PLXNA2: variants seen among roughly 807,000 people sequenced by gnomAD.
PLXNA2 encodes plexin A2.
Under a neutral mutation model 193.5 loss-of-function variants are expected in PLXNA2, and 91 were observed. The ratio of observed to expected loss-of-function variants is 0.47; its 90% CI spans 0.40 to 0.56. The LOEUF is 0.56. Ranked by LOEUF, PLXNA2 falls within the 20% of genes least tolerant of loss-of-function variation. The pLI is 0.00. For synonymous variants in PLXNA2, 997 were observed against 1,027.3 expected, an observed-to-expected ratio of 0.97 and a Z score of 0.56; for missense variants, 1,995 against 2,503.2, an observed-to-expected ratio of 0.80 and a Z score of 4.33.
At chr1:208,052,268 T>C (rs1665288361) in intron 15 of PLXNA2, 59 bp downstream of exon 15, 4 of 1,568,324 alleles carry the variant, frequency 2.6e-6, no homozygotes, top group Middle Eastern at 2.3e-4. Context: ...CACAGTAACA[T>C]GTGAACAGCA....
intron 3 of PLXNA2, among the ~76,000 whole-genome samples, chr1:208,200,577 C>CTTTTTTTT (rs36026400): frequency 4.4e-5 from 5 of 113,998 alleles, no homozygotes; most frequent in Non-Finnish European, 5.0e-5. Flanking sequence ...CCCAATCCTT[C>CTTTTTTTT]TTTTTTTTTT....
chr1:208,040,726 T>C (rs1296153699), intron 22 of PLXNA2, among the ~76,000 whole-genome samples: 1 of 152,268 alleles, frequency 6.6e-6, no homozygotes, highest in Non-Finnish European at 1.5e-5. Flanking sequence ...TGGCACCTGC[T>C]AAGCACTATC....
chr1:208,079,362 G>A lies in PLXNA2; in HGVS notation c.2484C>T (p.Gly828=), dbSNP rs777731225. 8 of 1,612,354 alleles carry A rather than the reference G, an allele frequency of 5.0e-6. No homozygotes were observed. Among genetic ancestry groups the A allele is most frequent in the South Asian group, 2.2e-5 (2 of 90,898 alleles). The change falls in exon 12 of 32, where the codon GGC becomes GGT. Residue 828 remains glycine, a synonymous_variant. Coordinates refer to ENST00000367033, the MANE Select transcript of PLXNA2 (RefSeq NM_025179.4). ...GCTGGTGGAGGGTGCACCTGCGCTC[G>A]CCGCTGCACCAGCCACACTCAAACT... ...DRKFECGWCS[G]ERRCTLHQHC... is the part of the protein sequence containing the mutation.
rs1283015494 is a variant in PLXNA2, at chr1:208,024,586, C to A, written c.*2657G>T. The A allele has an allele frequency of 6.6e-6, 1 of 152,438 alleles. No individual in the cohort carries two copies. Among genetic ancestry groups the A allele is most frequent in the Non-Finnish European group, 1.5e-5 (1 of 68,228 alleles). 9.4% of individuals were successfully genotyped at this position (152,438 alleles called of 1,614,324 possible). ...GTGGCCAAACCACTCACAGCCAGCT[C>A]CGGCTCTTCACTCTCCACCCTCCAA... On this transcript the variant is annotated 3_prime_UTR_variant, in exon 32 of 32. Transcript: ENST00000367033.
intron 4 of PLXNA2, among the ~76,000 whole-genome samples, chr1:208,114,522 C>T (rs1041847253): frequency 2.6e-5 from 4 of 152,264 alleles, no homozygotes; most frequent in African/African-American, 7.2e-5. Context: ...CCAGACTCTA[C>T]CTCTCTGCCT....
chr1:208,088,947 G>A lies in PLXNA2; in HGVS notation c.2097+3839C>T, dbSNP rs181217036. 1.5e-3 allele frequency among the ~76,000 whole-genome samples: 225 copies of A among 152,268 alleles called. 3 individuals are homozygous for A. The highest frequency in any genetic ancestry group is 5.2e-3 in the African/African-American group (215 of 41,540). ...TTTCTGCATTTATTTGATGATCATA[G>A]GAAAGCTGTTTAACTTATTTAAGCC... On this transcript the variant is annotated intron_variant, in intron 9 of 31. Transcript: ENST00000367033.
At chr1:208,172,494 C>T (rs74153041) in intron 3 of PLXNA2, among the ~76,000 whole-genome samples, 3,692 of 152,228 alleles carry the variant, frequency 0.024, 155 homozygotes, top group African/African-American at 0.083. Context: ...TGCCCCCATC[C>T]GCAGATGACA....
At chr1:208,087,612 T>C (rs978907807) in intron 9 of PLXNA2, among the ~76,000 whole-genome samples, 1 of 152,216 alleles carries the variant, frequency 6.6e-6, no homozygotes, top group Admixed American at 6.5e-5. Flanking sequence ...TTTTTTCCCT[T>C]CTATTCTCTA....
At chr1:208,109,855 G>T (rs934209276) in intron 4 of PLXNA2, among the ~76,000 whole-genome samples, 2 of 152,230 alleles carry the variant, frequency 1.3e-5, no homozygotes, top group Admixed American at 6.5e-5. Context: ...CAACCTGAAG[G>T]CAGGTGAGGC....
intron 26 of PLXNA2, among the ~76,000 whole-genome samples, chr1:208,036,590 G>A (rs1005664326): frequency 4.6e-5 from 7 of 152,214 alleles, no homozygotes; most frequent in Non-Finnish European, 7.3e-5. Flanking sequence ...CAGTGAGCAC[G>A]CAGTAAGTGT....
At chr1:208,226,191 T>C (rs1167833765) in intron 1 of PLXNA2, among the ~76,000 whole-genome samples, 2 of 152,102 alleles carry the variant, frequency 1.3e-5, no homozygotes, top group Non-Finnish European at 2.9e-5. Flanking sequence ...TCCTGCAGAG[T>C]GGACCCTACC....
At chr1:208,212,623 T>C (rs745994606) in intron 2 of PLXNA2, among the ~76,000 whole-genome samples, 4 of 152,194 alleles carry the variant, frequency 2.6e-5, no homozygotes, top group African/African-American at 4.8e-5. Flanking sequence ...ATTTATACCA[T>C]GGCAATTGGC....
intron 29 of PLXNA2, chr1:208,030,625 C>T (rs1436178035): frequency 1.0e-6 from 1 of 985,292 alleles, no homozygotes; most frequent in Non-Finnish European, 1.2e-6. Context: ...CTGGGGTTGG[C>T]TTTTTCCAAA....
At chr1:208,193,191 G>T (rs1020316522) in intron 3 of PLXNA2, among the ~76,000 whole-genome samples, 1 of 152,196 alleles carries the variant, frequency 6.6e-6, no homozygotes, top group African/African-American at 2.4e-5. Flanking sequence ...TCCTGGCATT[G>T]CTTCATTTGC....
intron 3 of PLXNA2, among the ~76,000 whole-genome samples, chr1:208,158,665 C>T (rs1034371122): frequency 7.2e-5 from 11 of 152,370 alleles, no homozygotes; most frequent in Non-Finnish European, 1.5e-4. Context: ...TCTCTGATTG[C>T]CAGTGCTGGG....
chr1:208,061,131 A>T (rs143107981), intron 12 of PLXNA2, among the ~76,000 whole-genome samples: 1 of 152,212 alleles, frequency 6.6e-6, no homozygotes, highest in Admixed American at 6.5e-5. Context: ...ATGGTTTGAG[A>T]CATGTCTCTA....
rs1323600270 is a variant in PLXNA2 at position 208,060,754 on chromosome 1, G to T, written c.2670C>A (p.Ile890=). Residue 890 remains isoleucine (I), a synonymous_variant, in exon 13 of 32, where the codon ATC becomes ATA. Coordinates refer to ENST00000367033, the MANE Select transcript of PLXNA2 (RefSeq NM_025179.4). ...GVNLGLDFSE[I]AHHVQVAGVP... ...CCCCAGCCACCTGCACATGGTGGGC[G>T]ATCTCGGAGAAGTCCAGACCCAGGT... 3.7e-6 allele frequency: 6 copies of T among 1,613,936 alleles called. No individual in the cohort carries two copies. Among genetic ancestry groups the T allele is most frequent in the Non-Finnish European group, 3.4e-6 (4 of 1,179,974 alleles).
chr1:208,221,907 T>C (rs1671349359), intron 1 of PLXNA2, among the ~76,000 whole-genome samples: 2 of 152,256 alleles, frequency 1.3e-5, no homozygotes, highest in Admixed American at 6.5e-5. Flanking sequence ...TTAGCCATTC[T>C]ATGATGTTAT....
At chr1:208,146,795 G>T (rs537804894) in intron 3 of PLXNA2, among the ~76,000 whole-genome samples, 8 of 152,312 alleles carry the variant, frequency 5.3e-5, no homozygotes, top group African/African-American at 1.7e-4. Context: ...GGCAGCGGAG[G>T]ATACTGGAGA....
Sources: allele counts gnomAD v4.1 joint callset (sites outside exome capture counted in the v4.1 genomes callset), GRCh38; gene constraint gnomAD v4.1.1; transcripts MANE v1.5; gene names NCBI Gene and HGNC (gene_info 2026-07-23, HGNC 2026-07-21).